The following HOOK3 variants were observed in gnomAD, a reference collection of about 807,000 sequenced individuals.
HOOK3 encodes protein Hook homolog 3.
HOOK3 carries 24 observed loss-of-function variants against 116.3 expected under a neutral mutation model. The observed-to-expected ratio is 0.21, with a 90% CI of 0.15 to 0.29. HOOK3 has a LOEUF of 0.29. Ranked by LOEUF, HOOK3 falls within the 10% of genes least tolerant of loss-of-function variation. The probability of loss-of-function intolerance (pLI) is 1.00; values close to 1 mark genes in which losing one functional copy is unlikely to be tolerated. For synonymous variants in HOOK3, 275 were observed against 283.0 expected (o/e 0.97, Z 0.28); for missense variants, 632 against 830.2 (o/e 0.76, Z 2.93).
chr8:43,010,462 T>C, intron 19 of HOOK3, 57 bp downstream of exon 19: 1 of 549,934 alleles, frequency 1.8e-6, no homozygotes, highest in South Asian at 3.0e-5. Flanking sequence ...TTCAGTGAAG[T>C]CTCAAATATA....
chr8:42,949,789 C>T (rs555619954), intron 5 of HOOK3, among the ~76,000 whole-genome samples: 125 of 152,024 alleles, frequency 8.2e-4, no homozygotes, highest in Non-Finnish European at 1.1e-3. Flanking sequence ...TGGTGGCGCA[C>T]GCCTGTAGTC....
intron 16 of HOOK3, among the ~76,000 whole-genome samples, chr8:42,999,943 G>A (rs1055111404): frequency 2.0e-5 from 3 of 151,998 alleles, no homozygotes; most frequent in African/African-American, 7.2e-5. Context: ...TCAGGAGATC[G>A]AGATCATCCT....
chr8:42,925,579 A>T lies in HOOK3; in HGVS notation c.166A>T (p.Asn56Tyr). Residue 56 changes from asparagine (N) to tyrosine (Y), a missense_variant, in exon 3 of 22, where the codon AAT (asparagine) becomes TAT (tyrosine). Physicochemically the swap from Asn to Tyr is moderately radical, Grantham distance 143. Transcript: ENST00000307602. ...CAGAGATCCTGCATATTTTGATGAA[A>T]ATTGGCTAAACAGAATCAAAACTGA... ...QKIDPAYFDE[N>Y]WLNRIKTEVG... is the part of the protein sequence containing the mutation. 6.2e-7 allele frequency: 1 copy of T among 1,605,402 alleles called. No individual in the cohort carries two copies. Among genetic ancestry groups the T allele is most frequent in the Non-Finnish European group, 8.5e-7 (1 of 1,175,242 alleles).
intron 8 of HOOK3, among the ~76,000 whole-genome samples, chr8:42,959,920 C>T (rs932873922): frequency 3.3e-5 from 5 of 151,930 alleles, no homozygotes; most frequent in Admixed American, 1.3e-4. Context: ...GTTCATAATA[C>T]TTGGTAATAG....
chr8:42,986,882 C>G, intron 15 of HOOK3, 87 bp downstream of exon 15: 1 of 1,386,094 alleles, frequency 7.2e-7, no homozygotes, highest in Non-Finnish European at 1.0e-6. Context: ...ACTGGCAGGG[C>G]ATGGTGGCTC....
At chr8:43,008,659 TTTTA>T (rs1345566702) in intron 18 of HOOK3, among the ~76,000 whole-genome samples, 5 of 147,952 alleles carry the variant, frequency 3.4e-5, no homozygotes, top group African/African-American at 1.2e-4. Flanking sequence ...TTATTTTTAT[TTTTA>T]TTTTTTTTTT....
intron 6 of HOOK3, among the ~76,000 whole-genome samples, chr8:42,954,772 G>A (rs927516065): frequency 6.6e-6 from 1 of 152,210 alleles, no homozygotes; most frequent in East Asian, 1.9e-4. Flanking sequence ...GGAGATGCTG[G>A]AAGAGATGGA....
At chr8:42,930,209 C>G (rs1170196609) in intron 4 of HOOK3, 37 bp downstream of exon 4, 1 of 1,461,664 alleles carries the variant, frequency 6.8e-7, no homozygotes, top group South Asian at 1.4e-5. Context: ...AGAAGTGTTA[C>G]TATCGGATAG....
Position 42,897,018 on chromosome 8 carries a change from C to T in HOOK3, c.-114C>T, listed in dbSNP as rs559730060. The T allele has an allele frequency of 1.7e-3, 1,219 of 733,644 alleles. 10 individuals carry two copies. The African/African-American group carries it at 0.02, about 12-fold the overall frequency. The allele number at this position is 733,644 out of a possible 1,614,324, so 45.4% of individuals were successfully genotyped here. On this transcript the variant is annotated 5_prime_UTR_variant, in exon 1 of 22. Transcript: ENST00000307602. ...GCTGGGCGAGAGTCGGCGGCCGGATCCGAGGAGCAGGCGGGCCTGAGGCCG... is the reference window on the plus strand; with the variant it reads ...GCTGGGCGAGAGTCGGCGGCCGGATTCGAGGAGCAGGCGGGCCTGAGGCCG...
At chr8:42,949,937 T>C (rs1287851026) in intron 5 of HOOK3, among the ~76,000 whole-genome samples, 1 of 151,680 alleles carries the variant, frequency 6.6e-6, no homozygotes, top group Non-Finnish European at 1.5e-5. Flanking sequence ...AAAGGAAATA[T>C]TAAGGCAGAA....
At chr8:42,965,174 T>C (rs1201059920) in intron 9 of HOOK3, among the ~76,000 whole-genome samples, 2 of 152,234 alleles carry the variant, frequency 1.3e-5, no homozygotes, top group Non-Finnish European at 2.9e-5. Flanking sequence ...GAAATGACTT[T>C]GGTTTGGAAA....
At chr8:42,898,607 A>G (rs1807111330) in intron 1 of HOOK3, among the ~76,000 whole-genome samples, 1 of 152,198 alleles carries the variant, frequency 6.6e-6, no homozygotes. Flanking sequence ...AGTTTTTGAG[A>G]CTGTGCAAGT....
At chr8:42,936,011 TC>T (rs1179172069) in intron 4 of HOOK3, among the ~76,000 whole-genome samples, 3 of 152,232 alleles carry the variant, frequency 2.0e-5, no homozygotes, top group Non-Finnish European at 2.9e-5. Flanking sequence ...CATTGATTCT[TC>T]CTATCCATGA....
At chr8:42,945,823 G>C (rs1808214986) in intron 5 of HOOK3, among the ~76,000 whole-genome samples, 1 of 152,172 alleles carries the variant, frequency 6.6e-6, no homozygotes, top group African/African-American at 2.4e-5. Context: ...GCTTTTGTTA[G>C]TTAAGTGTAT....
intron 7 of HOOK3, 45 bp from the exon 8 acceptor site, chr8:42,959,186 G>A (rs1170640773): frequency 1.6e-6 from 2 of 1,256,862 alleles, no homozygotes; most frequent in South Asian, 2.4e-5. Flanking sequence ...ATTATTAATT[G>A]TTACCACTTC....
chr8:42,976,511 C>T (rs1451789336), intron 13 of HOOK3, among the ~76,000 whole-genome samples: 1 of 151,722 alleles, frequency 6.6e-6, no homozygotes, highest in African/African-American at 2.4e-5. Context: ...AAGAAAAGGG[C>T]CAATTTAGTA....
rs536249419 is a variant in HOOK3, at chr8:43,024,928, T to C, written c.*6430T>C. 1 of 207,526 alleles carries C rather than the reference T, an allele frequency of 4.8e-6. No individual in the cohort carries two copies. Among genetic ancestry groups the C allele is most frequent in the East Asian group, 7.4e-5 (1 of 13,564 alleles). The allele number at this position is 207,526 out of a possible 1,614,324, so 12.9% of individuals were successfully genotyped here. A position where few individuals can be genotyped will look rare whatever the true frequency, so the allele number is the denominator to read the frequency against. Reference sequence around the variant, plus strand: ...CATCTCTTTTAAATCACTGATGATTTTCTGGGGAAGTATATATAGATGATT... The same window carrying C: ...CATCTCTTTTAAATCACTGATGATTCTCTGGGGAAGTATATATAGATGATT... On this transcript the variant is annotated 3_prime_UTR_variant, in exon 22 of 22. Coordinates refer to ENST00000307602, the MANE Select transcript of HOOK3 (RefSeq NM_032410.4).
At chr8:42,918,343 AAAAAAAG>A (rs1807571646) in intron 2 of HOOK3, among the ~76,000 whole-genome samples, 1 of 152,336 alleles carries the variant, frequency 6.6e-6, no homozygotes, top group South Asian at 2.1e-4. Context: ...CTCTCTCTCA[AAAAAAAG>A]AAAAAAGAAA....
intron 11 of HOOK3, among the ~76,000 whole-genome samples, chr8:42,970,198 A>G (rs1369891404): frequency 6.6e-6 from 1 of 152,194 alleles, no homozygotes; most frequent in Non-Finnish European, 1.5e-5. Flanking sequence ...CCTTTCTTCC[A>G]CAATGACCTG....
Sources: gnomAD v4.1 joint callset for allele counts (sites outside exome capture counted in the v4.1 genomes callset) on GRCh38, gnomAD v4.1.1 for gene constraint, MANE v1.5 for transcripts, NCBI Gene and HGNC (gene_info 2026-07-23, HGNC 2026-07-21) for gene names.